The following BCL6 variants were observed in gnomAD, a reference collection of about 807,000 sequenced individuals.
The protein encoded by BCL6 is BCL6 transcription repressor.
BCL6 carries 7 observed loss-of-function variants against 59.5 expected under a neutral mutation model. The ratio of observed to expected loss-of-function variants is 0.12; its 90% CI spans 0.07 to 0.22. The LOEUF is 0.22. BCL6 is among the 10% of genes least tolerant of loss of function. The pLI is 1.00. For synonymous variants in BCL6, 339 were observed against 349.7 expected (o/e 0.97, Z 0.34); for missense variants, 685 against 939.4 (o/e 0.73, Z 3.54).
At chr3:187,745,280 A>T in intron 1 of BCL6, 130 bp downstream of exon 1, 1 of 398,732 alleles carries the variant, frequency 2.5e-6, no homozygotes, top group Non-Finnish European at 4.4e-6. Flanking sequence ...GCATTTGGCA[A>T]GAGCGGAAAA....
intron 1 of BCL6, chr3:187,736,220 G>C: frequency 6.6e-6 from 1 of 152,164 alleles, no homozygotes; most frequent in Non-Finnish European, 1.5e-5. Context: ...TGAGTGAGTG[G>C]GGACTGGAGG....
Position 187,726,890 on chromosome 3 carries a change from C to A in BCL6, c.1549G>T (p.Ala517Ser), listed in dbSNP as rs762251488. The change falls in exon 7 of 10, where the codon GCC becomes TCC. Residue 517 changes from alanine to serine, a missense_variant. Physicochemically the swap from Ala to Ser is moderately conservative, Grantham distance 99. This residue lies in a region of BCL6 where 207 missense variants were observed against 213.7 expected (regional missense o/e 0.97). Coordinates refer to ENST00000406870, the MANE Select transcript of BCL6 (RefSeq NM_001706.5). ...CAGTCACACTCATTGCAGAAGAAGGCCCCGTTCTCTGTTGGAGGGTGGTAG... is the reference window on the plus strand; with the variant it reads ...CAGTCACACTCATTGCAGAAGAAGGACCCGTTCTCTGTTGGAGGGTGGTAG... ...EYSDSSCENG[A>S]FFCNECDCRF... The A allele has an allele frequency of 1.9e-6, 3 of 1,614,080 alleles. No individual in the cohort carries two copies. The highest frequency in any genetic ancestry group is 2.5e-6 in the Non-Finnish European group (3 of 1,179,982).
intron 1 of BCL6, among the ~76,000 whole-genome samples, chr3:187,745,200 A>G (rs1031667382): frequency 6.6e-6 from 1 of 152,226 alleles, no homozygotes; most frequent in Non-Finnish European, 1.5e-5. Flanking sequence ...TTATTTTAAC[A>G]CCTGACAGCT....
Position 187,725,136 on chromosome 3 carries a change from GC to G in BCL6, c.1840-59del. 6.2e-7 allele frequency: 1 copy of G among 1,607,294 alleles called. No homozygotes were observed. Among genetic ancestry groups the G allele is most frequent in the Non-Finnish European group, 8.5e-7 (1 of 1,176,330 alleles). On this transcript the variant is annotated intron_variant, in intron 8 of 9. Coordinates refer to ENST00000406870, the MANE Select transcript of BCL6 (RefSeq NM_001706.5). The surrounding 1 kb of genome is among the most constrained non-coding windows in gnomAD (Gnocchi z 4.7). ...GGGGTGGGCTGCAGGCCTCTGGGCA[GC>G]CCCTCATTAGCACACAGCCAGTGAG...
rs147478441 is a variant in BCL6 at position 187,733,576 on chromosome 3, G to C, written c.118C>G (p.Arg40Gly). 6.2e-7 allele frequency: 1 copy of C among 1,613,918 alleles called. No homozygotes were observed. Among genetic ancestry groups the C allele is most frequent in the South Asian group, 1.1e-5 (1 of 91,068 alleles). Residue 40 changes from arginine to glycine, a missense_variant, in exon 3 of 10, where the codon CGT becomes GGT. Coordinates refer to ENST00000406870, the MANE Select transcript of BCL6 (RefSeq NM_001706.5). ...ILTDVVIVVS[R>G]EQFRAHKTVL... ...GTTTTATGGGCTCTAAACTGCTCAC[G>C]GCTCACAACAATGACAACATCAGTC...
rs1718935678 is a variant in BCL6, at chr3:187,729,762, C to T, written c.643G>A (p.Asp215Asn). The change falls in exon 5 of 10, where the codon GAT becomes AAT. Residue 215 changes from aspartate to asparagine, a missense_variant. Physicochemically the swap from Asp to Asn is conservative, Grantham distance 23 (BLOSUM62 1). Coordinates refer to ENST00000406870, the MANE Select transcript of BCL6 (RefSeq NM_001706.5). The surrounding 1 kb of genome is among the most constrained non-coding windows in gnomAD (Gnocchi z 5.6). The stretch of plus-strand genomic sequence containing the variant: ...GGGTTGGCCACAGGCATCCGGACAT[C>T]CCGAAACTCCTCATCGGAGAAGAGG... The part of the protein sequence containing the change: ...SLLFSDEEFR[D>N]VRMPVANPFP... 2 of 1,614,014 alleles carry T rather than the reference C, an allele frequency of 1.2e-6. No individual in the cohort carries two copies. Among genetic ancestry groups the T allele is most frequent in the African/African-American group, 1.3e-5 (1 of 74,916 alleles).
chr3:187,738,662 G>C (rs71322491), intron 1 of BCL6, among the ~76,000 whole-genome samples: 7 of 152,158 alleles, frequency 4.6e-5, no homozygotes, highest in South Asian at 2.1e-4. Flanking sequence ...GCGCTTTCGG[G>C]GGCTAGGGGA....
chr3:187,740,030 G>A (rs1225066951), intron 1 of BCL6, among the ~76,000 whole-genome samples: 1 of 152,186 alleles, frequency 6.6e-6, no homozygotes, highest in Non-Finnish European at 1.5e-5. Context: ...CCCGCAGTGG[G>A]AGGGGCCGAA....
At chr3:187,722,748 C>T (rs953523822) in intron 9 of BCL6, 147 bp from the exon 10 acceptor site, 70 of 989,110 alleles carry the variant, frequency 7.1e-5, no homozygotes, top group Middle Eastern at 2.2e-4. Context: ...CATATGCATC[C>T]GGGCTTCTGC....
In BCL6 at chr3:187,725,509, C is replaced by G; in HGVS notation, c.1829G>C (p.Arg610Thr). 1 of 1,614,118 alleles carries G rather than the reference C, an allele frequency of 6.2e-7. No individual in the cohort carries two copies. The highest frequency in any genetic ancestry group is 8.5e-7 in the Non-Finnish European group (1 of 1,180,030). ...GCCCACTCTGCTCACCTGTACAAAT[C>G]TGGCTCCGCAGGTTTCGCATTTGTA... ...KPYKCETCGA[R>T]FVQVAHLRAH... Residue 610 changes from arginine to threonine, a missense_variant, in exon 8 of 10, where the codon AGA (arginine) becomes ACA (threonine). Arg to Thr is a moderately conservative substitution (Grantham distance 71). Around this residue, in one of 7 missense-constraint regions of BCL6, gnomAD observed 42 missense variants for 101.7 expected, o/e 0.41. Coordinates refer to ENST00000406870, the MANE Select transcript of BCL6 (RefSeq NM_001706.5). The surrounding 1 kb of genome is among the most constrained non-coding windows in gnomAD (Gnocchi z 4.7).
chr3:187,730,214 G>A (rs1020339883), intron 4 of BCL6, among the ~76,000 whole-genome samples, 193 bp from the exon 5 acceptor site: 2 of 152,220 alleles, frequency 1.3e-5, no homozygotes, highest in Non-Finnish European at 2.9e-5. Flanking sequence ...AAATTGGGAA[G>A]ACTGAGTCCC....
chr3:187,722,207 A>C lies in BCL6; in HGVS notation c.*251T>G. The C allele has an allele frequency of 2.6e-6, 1 of 388,768 alleles. No homozygotes were observed. The highest frequency in any genetic ancestry group is 4.5e-6 in the Non-Finnish European group (1 of 222,780). 24.1% of individuals were successfully genotyped at this position (388,768 alleles called of 1,614,324 possible). A position where few individuals can be genotyped will look rare whatever the true frequency, so the allele number is the denominator to read the frequency against. Reference sequence around the variant, plus strand: ...TAAAATGATTTTGCTTTTTGCTGACATGGTTCACCTTACACATAGGAGAAG... The same window carrying C: ...TAAAATGATTTTGCTTTTTGCTGACCTGGTTCACCTTACACATAGGAGAAG... On this transcript the variant is annotated 3_prime_UTR_variant, in exon 10 of 10. Coordinates refer to ENST00000406870, the MANE Select transcript of BCL6 (RefSeq NM_001706.5).
intron 1 of BCL6, 102 bp downstream of exon 1, chr3:187,745,308 A>C (rs1430493895): frequency 7.5e-6 from 3 of 399,878 alleles, no homozygotes; most frequent in African/African-American, 4.1e-5. Context: ...ATTAAAAGGT[A>C]AAATAATGAT....
chr3:187,744,906 G>C (rs745980145), intron 1 of BCL6, among the ~76,000 whole-genome samples: 4 of 152,212 alleles, frequency 2.6e-5, no homozygotes, highest in Middle Eastern at 3.4e-3. Flanking sequence ...GCAGCAGAAA[G>C]AGCGAGAGCG....
rs1579813093 is a variant in BCL6 at position 187,729,840 on chromosome 3, A to G, written c.565T>C (p.Ser189Pro). 6.2e-7 allele frequency: 1 copy of G among 1,614,030 alleles called. No individual in the cohort carries two copies. Among genetic ancestry groups the G allele is most frequent in the Non-Finnish European group, 8.5e-7 (1 of 1,179,980 alleles). The change falls in exon 5 of 10, where the codon TCC (serine) becomes CCC (proline). Residue 189 changes from serine to proline, a missense_variant. Ser to Pro is a moderately conservative substitution (Grantham distance 74). This residue lies in a region of BCL6 where 268 missense variants were observed against 263.8 expected (regional missense o/e 1.02). Transcript: ENST00000406870. This position sits in a 1 kb window ranked among gnomAD's most constrained non-coding sequence, Gnocchi z 5.6. ...ATGGAATAAGAGGCTGGCGGTGTGG[A>G]CAGGCCACTGTACAGGCTGGGGGCA... ...AFAPSLYSGL[S>P]TPPASYSMYS...
In BCL6 at chr3:187,726,676, CCT is replaced by C. The variant is rs950473090; in HGVS notation, c.1708+53_1708+54del. On this transcript the variant is annotated intron_variant, in intron 7 of 9. Coordinates refer to ENST00000406870, the MANE Select transcript of BCL6 (RefSeq NM_001706.5). ...ACACAGCTTTCTCTAGGATCCTCTC[CCT>C]GTCCTGCCCCAATAATTGTGGAGAG... 8.8e-6 allele frequency: 14 copies of C among 1,589,394 alleles called. No homozygotes were observed. The African/African-American group carries it at 1.6e-4, about 18-fold the overall frequency.
chr3:187,744,551 C>T (rs183447887), intron 1 of BCL6, among the ~76,000 whole-genome samples: 5 of 152,262 alleles, frequency 3.3e-5, no homozygotes, highest in East Asian at 3.9e-4. Flanking sequence ...AGACACGATA[C>T]TTCATCTCAT....
At chr3:187,730,248 C>T (rs570891489) in intron 4 of BCL6, among the ~76,000 whole-genome samples, 1 of 152,310 alleles carries the variant, frequency 6.6e-6, no homozygotes, top group African/African-American at 2.4e-5. Flanking sequence ...GAGTTTCCGG[C>T]ATGATCTATG....
chr3:187,743,603 A>T (rs1280230096), intron 1 of BCL6, among the ~76,000 whole-genome samples: 1 of 152,152 alleles, frequency 6.6e-6, no homozygotes, highest in Middle Eastern at 3.4e-3. Flanking sequence ...TTGCAACACT[A>T]GTTCCATTTT....
Sources: gnomAD v4.1 joint callset for allele counts (sites outside exome capture counted in the v4.1 genomes callset) on GRCh38, gnomAD v4.1.1 for gene constraint, gnomAD v4.1.1 regional missense constraint, Gnocchi (gnomAD v3.1) non-coding constraint, MANE v1.5 for transcripts, NCBI Gene and HGNC (gene_info 2026-07-23, HGNC 2026-07-21) for gene names.